ITGA1: variants seen among roughly 807,000 people sequenced by gnomAD.
ITGA1 encodes integrin alpha-1.
ITGA1 carries 85 observed loss-of-function variants against 145.9 expected under a neutral mutation model. The observed-to-expected ratio is 0.58, with a 90% CI of 0.49 to 0.70. ITGA1 has a LOEUF of 0.70. Ranked by LOEUF, ITGA1 falls within the 30% of genes least tolerant of loss-of-function variation. The pLI is 0.00. For missense variants in ITGA1, 1,351 were observed against 1,418.7 expected (o/e 0.95, Z 0.77); for synonymous variants, 520 against 495.3 (o/e 1.05, Z -0.66).
chr5:52,803,323 CGTG>C (rs1748525748), intron 1 of ITGA1: 3 of 151,842 alleles, frequency 2.0e-5, no homozygotes, highest in Admixed American at 2.0e-4. Flanking sequence ...ATTATAATTC[CGTG>C]AGTATCTTTA....
intron 1 of ITGA1, among the ~76,000 whole-genome samples, chr5:52,792,830 G>A (rs1561208999): frequency 1.3e-5 from 2 of 152,112 alleles, no homozygotes; most frequent in African/African-American, 4.8e-5. Context: ...TGAAACTGTT[G>A]CCACAGTGCT....
intron 11 of ITGA1, chr5:52,901,709 C>T (rs955049074): frequency 6.6e-6 from 1 of 152,098 alleles, no homozygotes; most frequent in Non-Finnish European, 1.5e-5. Context: ...TTGCTTAAAG[C>T]AGATGTGGAG....
intron 23 of ITGA1, among the ~76,000 whole-genome samples, chr5:52,934,809 G>C (rs542910374): frequency 1.3e-5 from 2 of 151,848 alleles, no homozygotes; most frequent in African/African-American, 4.8e-5. Flanking sequence ...ACAAAAAAAA[G>C]TTCTCTCATA....
intron 1 of ITGA1, chr5:52,800,953 G>A (rs1209395373): frequency 6.2e-7 from 1 of 1,614,212 alleles, no homozygotes; most frequent in Non-Finnish European, 8.5e-7. Flanking sequence ...GCGGTTCTAT[G>A]AACAGGTGGT....
chr5:52,936,320 T>A (rs767522402), intron 23 of ITGA1, among the ~76,000 whole-genome samples: 24 of 152,176 alleles, frequency 1.6e-4, no homozygotes, highest in Admixed American at 9.8e-4. Context: ...AGAATTTGAC[T>A]GGAAATCAAG....
At chr5:52,793,768 A>G (rs1748287007) in intron 1 of ITGA1, among the ~76,000 whole-genome samples, 1 of 152,016 alleles carries the variant, frequency 6.6e-6, no homozygotes. Flanking sequence ...TGGCACCAAC[A>G]GCCTCACCAG....
intron 1 of ITGA1, chr5:52,802,056 T>C: frequency 2.1e-6 from 1 of 467,712 alleles, no homozygotes; most frequent in East Asian, 3.6e-5. Flanking sequence ...CCATCTTGAT[T>C]AAATTGTGTA....
intron 28 of ITGA1, chr5:52,948,922 C>T (rs1751176146): frequency 1.3e-5 from 2 of 152,054 alleles, no homozygotes; most frequent in African/African-American, 4.8e-5. Flanking sequence ...TTCAGACAAA[C>T]AAATAGGAAA....
intron 2 of ITGA1, among the ~76,000 whole-genome samples, chr5:52,859,657 C>A (rs746451570): frequency 6.6e-6 from 1 of 152,158 alleles, no homozygotes; most frequent in African/African-American, 2.4e-5. Context: ...TGTGCCTAAT[C>A]AATTTGTACT....
chr5:52,796,129 C>T (rs191230519), intron 1 of ITGA1, among the ~76,000 whole-genome samples: 41 of 151,894 alleles, frequency 2.7e-4, no homozygotes, highest in African/African-American at 9.2e-4. Flanking sequence ...AATTCAATTC[C>T]CTCAATTCTT....
In ITGA1 at chr5:52,816,720, C is replaced by T. The variant is rs182855341; in HGVS notation, c.61+28306C>T. The stretch of plus-strand genomic sequence containing the variant: ...GTCTCAGGGCCCATTGCCTGGCACA[C>T]CTCCTCCCAGAATTCCTGAGGTATA... On this transcript the variant is annotated intron_variant, in intron 1 of 28. Transcript: ENST00000282588. 7.2e-5 allele frequency among the ~76,000 whole-genome samples: 11 copies of T among 152,238 alleles called. No individual in the cohort carries two copies. The East Asian group carries it at 1.5e-3, about 21-fold the overall frequency.
intron 6 of ITGA1, among the ~76,000 whole-genome samples, chr5:52,881,364 G>GC: frequency 6.6e-6 from 1 of 152,198 alleles, no homozygotes; most frequent in East Asian, 1.9e-4. Context: ...TGGACGCTCT[G>GC]CCCTTCTAGC....
At chr5:52,867,432 C>T (rs1258112155) in intron 6 of ITGA1, among the ~76,000 whole-genome samples, 1 of 152,072 alleles carries the variant, frequency 6.6e-6, no homozygotes, top group African/African-American at 2.4e-5. Flanking sequence ...GTAATTTTCC[C>T]TGGAAGTGAC....
At position 52,910,291 on chromosome 5, in the gene ITGA1, G is replaced by T; in HGVS notation, c.1729G>T (p.Ala577Ser). Reference sequence around the variant, plus strand: ...GGCTCGTTTTGGAACTGCAATTGCTGCTGTAAAAGACCTCAATCTTGATGG... The same window carrying T: ...GGCTCGTTTTGGAACTGCAATTGCTTCTGTAAAAGACCTCAATCTTGATGG... Reference protein sequence around the residue: ...CGARFGTAIAAVKDLNLDGFN... With the variant: ...CGARFGTAIASVKDLNLDGFN... Residue 577 changes from alanine (A) to serine (S), a missense_variant, in exon 14 of 29, where the codon GCT (alanine) becomes TCT (serine). By Grantham distance (99) the Ala-to-Ser change is moderately conservative. Coordinates refer to ENST00000282588, the MANE Select transcript of ITGA1 (RefSeq NM_181501.2). 1 of 1,613,996 alleles carries T rather than the reference G, an allele frequency of 6.2e-7. No individual in the cohort carries two copies. The highest frequency in any genetic ancestry group is 8.5e-7 in the Non-Finnish European group (1 of 1,179,950).
At chr5:52,911,028 G>A (rs201056857) in intron 14 of ITGA1, among the ~76,000 whole-genome samples, 380 of 6,174 alleles carry the variant, frequency 0.062, no homozygotes, top group South Asian at 0.14. Flanking sequence ...TATATAGTAT[G>A]TATACTGTAT....
Position 52,944,948 on chromosome 5 carries a change from T to G in ITGA1, c.3291T>G (p.Tyr1097Ter). The G allele has an allele frequency of 6.2e-7, 1 of 1,608,554 alleles. No individual in the cohort carries two copies. Among genetic ancestry groups the G allele is most frequent in the Non-Finnish European group, 8.5e-7 (1 of 1,175,802 alleles). ...ILWKPTFIKS[Y>*]FSSLNLTIRG... ...AAATCCTATTTGCTTTTCAGTCATA[T>G]TTTTCCAGCTTAAATCTTACTATAA... Residue 1097 changes from tyrosine to a stop codon, truncating the protein, a stop_gained, in exon 27 of 29, where the codon TAT (tyrosine) becomes TAG (stop). Coordinates refer to ENST00000282588, the MANE Select transcript of ITGA1 (RefSeq NM_181501.2). LOFTEE classifies it high-confidence loss of function.
At chr5:52,906,965 A>G (rs1421640949) in intron 12 of ITGA1, among the ~76,000 whole-genome samples, 2 of 152,238 alleles carry the variant, frequency 1.3e-5, no homozygotes, top group Non-Finnish European at 2.9e-5. Flanking sequence ...CAGGGTGTCT[A>G]CAAAGGGCAG....
intron 13 of ITGA1, among the ~76,000 whole-genome samples, chr5:52,909,551 A>G (rs1304810907): frequency 6.6e-6 from 1 of 152,138 alleles, no homozygotes; most frequent in Non-Finnish European, 1.5e-5. Flanking sequence ...TCATTAGAAG[A>G]GTGTTTTGCT....
chr5:52,902,362 T>G (rs1018680139), intron 11 of ITGA1: 1 of 152,258 alleles, frequency 6.6e-6, no homozygotes, highest in Non-Finnish European at 1.5e-5. Flanking sequence ...ACCCACAGTT[T>G]GCTGAATTCT....
Sources: allele counts gnomAD v4.1 joint callset (sites outside exome capture counted in the v4.1 genomes callset), GRCh38; gene constraint gnomAD v4.1.1; transcripts MANE v1.5; gene names NCBI Gene and HGNC (gene_info 2026-07-23, HGNC 2026-07-21).